Variants in CD2AP observed in about 807,000 individuals in gnomAD.
CD2AP encodes CD2 associated protein.
A neutral mutation model predicts 85.1 loss-of-function variants in CD2AP; 46 were observed. That is an observed-to-expected ratio of 0.54 (90% CI 0.43 to 0.69). The LOEUF is 0.69. Among genes scored for constraint, CD2AP ranks in the 30% least tolerant of loss-of-function variants. The pLI, the probability that CD2AP is intolerant of heterozygous loss-of-function variation, is 0.00. For synonymous variants in CD2AP, 255 were observed against 252.9 expected (o/e 1.01, Z -0.08); for missense variants, 769 against 729.5 (o/e 1.05, Z -0.62).
At chr6:47,481,951 G>A (rs1416709596) in intron 1 of CD2AP, among the ~76,000 whole-genome samples, 2 of 151,902 alleles carry the variant, frequency 1.3e-5, no homozygotes, top group African/African-American at 4.8e-5. Flanking sequence ...TGTAGATACA[G>A]GCTCTCCCTG....
In CD2AP at chr6:47,608,088, CAT is replaced by C. The variant is rs1326894028; in HGVS notation, c.1632+62_1632+63del. On this transcript the variant is annotated intron_variant, in intron 15 of 17. Transcript: ENST00000359314. Reference sequence around the variant, plus strand: ...TCTGGGATTCTTTGTGGACATCAAACATAGGGAATTTAAGGTGTTCTTTAGGA... The same window carrying C: ...TCTGGGATTCTTTGTGGACATCAAACAGGGAATTTAAGGTGTTCTTTAGGA... The C allele has an allele frequency of 1.1e-5, 12 of 1,135,754 alleles. No individual in the cohort carries two copies. The East Asian group carries it at 1.9e-4, about 18-fold the overall frequency. The allele number at this position is 1,135,754 out of a possible 1,614,324, so 70.4% of individuals were successfully genotyped here.
intron 3 of CD2AP, among the ~76,000 whole-genome samples, chr6:47,535,280 A>G (rs1767007199): frequency 6.6e-6 from 1 of 152,238 alleles, no homozygotes; most frequent in African/African-American, 2.4e-5. Context: ...TAGTTAATGA[A>G]TATTTAATCA....
chr6:47,535,888 TTTC>T (rs1277193668), intron 3 of CD2AP, among the ~76,000 whole-genome samples: 2 of 152,212 alleles, frequency 1.3e-5, no homozygotes, highest in Non-Finnish European at 2.9e-5. Flanking sequence ...AAGGGATAAG[TTTC>T]TTCTTAAGTA....
At chr6:47,616,813 G>T (rs190870582) in intron 17 of CD2AP, among the ~76,000 whole-genome samples, 3 of 152,186 alleles carry the variant, frequency 2.0e-5, no homozygotes, top group Admixed American at 2.0e-4. Context: ...TCTTAGGTTA[G>T]GTTTACTGAT....
At chr6:47,577,616 TA>T (rs770651976) in intron 8 of CD2AP, among the ~76,000 whole-genome samples, 5 of 152,184 alleles carry the variant, frequency 3.3e-5, no homozygotes, top group Admixed American at 1.3e-4. Flanking sequence ...TAATGCAAAA[TA>T]AAGAGAAAAC....
intron 12 of CD2AP, among the ~76,000 whole-genome samples, chr6:47,598,058 AAAGAAACAATCCCATCAG>A (rs1411217346): frequency 6.6e-6 from 1 of 150,950 alleles, no homozygotes; most frequent in Non-Finnish European, 1.5e-5. Flanking sequence ...TAAAAGCAAG[AAAGAAACAATCCCATCAG>A]AAACTGGACT....
chr6:47,562,772 T>G, intron 5 of CD2AP: 2 of 1,048,438 alleles, frequency 1.9e-6, no homozygotes, highest in Non-Finnish European at 2.9e-6. Context: ...CATGTTTGTG[T>G]GCTTGCATCC....
Position 47,478,017 on chromosome 6 carries a change from G to A in CD2AP, c.-228G>A. The stretch of plus-strand genomic sequence containing the variant: ...CCGCCGTGGCTCCTGGGGAGGCCAG[G>A]GGTGAGGAGCTGTCGCCGCCTTTGC... On this transcript the variant is annotated 5_prime_UTR_variant, in exon 1 of 18. Coordinates refer to ENST00000359314, the MANE Select transcript of CD2AP (RefSeq NM_012120.3). 1 of 607,002 alleles carries A rather than the reference G, an allele frequency of 1.6e-6. No individual in the cohort carries two copies. The highest frequency in any genetic ancestry group is 2.9e-6 in the Non-Finnish European group (1 of 344,324). 37.6% of individuals were successfully genotyped at this position (607,002 alleles called of 1,614,324 possible). A position where few individuals can be genotyped will look rare whatever the true frequency, so the allele number is the denominator to read the frequency against.
chr6:47,604,989 C>G (rs915677084), intron 13 of CD2AP, among the ~76,000 whole-genome samples: 1 of 151,906 alleles, frequency 6.6e-6, no homozygotes, highest in African/African-American at 2.4e-5. Flanking sequence ...CCTTTGTGTC[C>G]TCCATCCCTT....
chr6:47,528,821 T>G (rs578205288), intron 2 of CD2AP, among the ~76,000 whole-genome samples: 1 of 152,340 alleles, frequency 6.6e-6, no homozygotes, highest in South Asian at 2.1e-4. Flanking sequence ...GAGATTTTTT[T>G]GGATCTTTTG....
At chr6:47,523,803 A>G (rs536950650) in intron 2 of CD2AP, among the ~76,000 whole-genome samples, 1 of 152,302 alleles carries the variant, frequency 6.6e-6, no homozygotes, top group South Asian at 2.1e-4. Context: ...CCCTATAACA[A>G]TGTGACATAA....
chr6:47,507,051 A>G (rs1766191781), intron 2 of CD2AP, among the ~76,000 whole-genome samples: 4 of 152,126 alleles, frequency 2.6e-5, no homozygotes, highest in Admixed American at 2.0e-4. Flanking sequence ...TGAATCCTGC[A>G]TTGTCATTTC....
chr6:47,544,490 A>T (rs1489517206), intron 3 of CD2AP, 116 bp from the exon 4 acceptor site: 3 of 717,488 alleles, frequency 4.2e-6, no homozygotes, highest in South Asian at 1.7e-5. Flanking sequence ...TAGAATGCTC[A>T]TACGTTCTGT....
chr6:47,615,792 A>ATTTATTTATTTATTT (rs1554129260), intron 17 of CD2AP, among the ~76,000 whole-genome samples: 8 of 117,408 alleles, frequency 6.8e-5, no homozygotes, highest in African/African-American at 8.7e-5. Flanking sequence ...AATTTAATTT[A>ATTTATTTATTTATTT]ATTTATTTAT....
chr6:47,579,251 C>G, intron 8 of CD2AP, 134 bp from the exon 9 acceptor site: 1 of 638,482 alleles, frequency 1.6e-6, no homozygotes. Flanking sequence ...GGGAGGATCA[C>G]TTGAGCCCAG....
At chr6:47,612,749 G>A (rs1769482434) in intron 17 of CD2AP, among the ~76,000 whole-genome samples, 1 of 152,082 alleles carries the variant, frequency 6.6e-6, no homozygotes, top group Admixed American at 6.6e-5. Flanking sequence ...GTTAAGCCAG[G>A]CACAGAAAGA....
rs760969524 is a variant in CD2AP at position 47,554,764 on chromosome 6, C to T, written c.539C>T (p.Ser180Leu). The T allele has an allele frequency of 1.2e-5, 20 of 1,609,410 alleles. No homozygotes were observed. Among genetic ancestry groups the T allele is most frequent in the Non-Finnish European group, 2.5e-6 (3 of 1,177,578 alleles). The change falls in exon 5 of 18, where the codon TCA becomes TTA. Residue 180 changes from serine to leucine, a missense_variant and splice_region_variant. Transcript: ENST00000359314. The part of the protein sequence containing the change: ...DGETHEAQDD[S>L]ETVLAGPTSP... ...GAAACTCATGAAGCCCAGGACGATT[C>T]AGGTAGACTATTTTTTAAAATTTTT...
At chr6:47,547,127 A>G (rs962750405) in intron 4 of CD2AP, among the ~76,000 whole-genome samples, 3 of 152,186 alleles carry the variant, frequency 2.0e-5, no homozygotes, top group African/African-American at 2.4e-5. Flanking sequence ...TTAAAAAACA[A>G]AGACAAAAAA....
intron 5 of CD2AP, among the ~76,000 whole-genome samples, chr6:47,556,152 A>G (rs1011736596): frequency 2.0e-5 from 3 of 149,206 alleles, no homozygotes; most frequent in Non-Finnish European, 3.0e-5. Context: ...GGTGGTTTGC[A>G]CCTATCAACC....
Sources: gnomAD v4.1 joint callset for allele counts (sites outside exome capture counted in the v4.1 genomes callset) on GRCh38, gnomAD v4.1.1 for gene constraint, MANE v1.5 for transcripts, NCBI Gene and HGNC (gene_info 2026-07-23, HGNC 2026-07-21) for gene names.